The following PPP4R2 variants were observed in gnomAD, a reference collection of about 807,000 sequenced individuals.
PPP4R2 encodes the protein serine/threonine-protein phosphatase 4 regulatory subunit 2.
In PPP4R2, 13 loss-of-function variants were observed where a neutral mutation model predicts 47.2. That is an observed-to-expected ratio of 0.28 (90% CI 0.18 to 0.44). The LOEUF (loss-of-function observed/expected upper bound fraction) is 0.44, where lower values mean the gene tolerates loss of function less well. Among genes scored for constraint, PPP4R2 ranks in the 20% least tolerant of loss-of-function variants. The pLI is 1.00. For synonymous variants in PPP4R2, 151 were observed against 163.3 expected (o/e 0.92, Z 0.57); for missense variants, 421 against 491.2 (o/e 0.86, Z 1.35).
At chr3:73,018,792 C>T (rs1701902137) in intron 2 of PPP4R2, among the ~76,000 whole-genome samples, 1 of 152,158 alleles carries the variant, frequency 6.6e-6, no homozygotes, top group African/African-American at 2.4e-5. Flanking sequence ...TCTTTTAAGA[C>T]TGTTCAGATG....
chr3:73,036,464 T>C (rs996194368), intron 2 of PPP4R2, among the ~76,000 whole-genome samples: 4 of 152,266 alleles, frequency 2.6e-5, no homozygotes, highest in Admixed American at 6.5e-5. Flanking sequence ...CAATACACGT[T>C]GCAAACATGT....
At position 73,027,365 on chromosome 3, in the gene PPP4R2, A is replaced by C. The variant is rs117857099; in HGVS notation, c.117-19821A>C. ...GTGATCTCAATCTCCTGACCTCATGATCCGCCAGCCTTGGCCTCCTAAAGT... is the reference window on the plus strand; with the variant it reads ...GTGATCTCAATCTCCTGACCTCATGCTCCGCCAGCCTTGGCCTCCTAAAGT... On this transcript the variant is annotated intron_variant, in intron 2 of 8. Coordinates refer to ENST00000356692, the MANE Select transcript of PPP4R2 (RefSeq NM_174907.4). 7.9e-4 allele frequency among the ~76,000 whole-genome samples: 121 copies of C among 152,290 alleles called. No individual in the cohort carries two copies. In the East Asian group the frequency reaches 0.014, roughly 17 times the overall value.
intron 2 of PPP4R2, among the ~76,000 whole-genome samples, chr3:73,004,984 TGTGTG>T (rs1559546051): frequency 4.1e-5 from 6 of 147,852 alleles, no homozygotes; most frequent in South Asian, 2.1e-4. Context: ...TGTGTGTGTG[TGTGTG>T]TTTTGAGTCG....
intron 2 of PPP4R2, among the ~76,000 whole-genome samples, chr3:73,023,820 TTGTA>T (rs1021563113): frequency 6.6e-6 from 1 of 152,160 alleles, no homozygotes; most frequent in African/African-American, 2.4e-5. Flanking sequence ...GAGCAAACCT[TTGTA>T]TGTTAAGGAA....
chr3:73,031,268 G>A (rs753176787), intron 2 of PPP4R2, among the ~76,000 whole-genome samples: 3 of 152,172 alleles, frequency 2.0e-5, no homozygotes, highest in Non-Finnish European at 4.4e-5. Flanking sequence ...GGCTGGGCGC[G>A]GTGGTTCACG....
chr3:73,006,304 T>G (rs1701608716), intron 2 of PPP4R2, among the ~76,000 whole-genome samples: 1 of 151,210 alleles, frequency 6.6e-6, no homozygotes. Flanking sequence ...GTTCAAGCTA[T>G]TCTTCCGTCT....
chr3:73,034,564 C>T (rs1288291927), intron 2 of PPP4R2, among the ~76,000 whole-genome samples: 1 of 152,128 alleles, frequency 6.6e-6, no homozygotes. Context: ...AGAGACTGTT[C>T]CTCTTTTGCC....
intron 2 of PPP4R2, among the ~76,000 whole-genome samples, chr3:73,010,624 T>G (rs1313173919): frequency 2.0e-5 from 3 of 151,986 alleles, no homozygotes; most frequent in Non-Finnish European, 2.9e-5. Context: ...AGTGGTGCAG[T>G]CTCAGCTCAC....
intron 2 of PPP4R2, among the ~76,000 whole-genome samples, chr3:73,025,664 C>G (rs1376398898): frequency 1.3e-5 from 2 of 152,066 alleles, no homozygotes; most frequent in African/African-American, 4.8e-5. Context: ...GAACAGTGAG[C>G]AAAGGAATAG....
chr3:73,018,465 A>ATGTTAT (rs1295553516), intron 2 of PPP4R2, among the ~76,000 whole-genome samples: 3 of 88,946 alleles, frequency 3.4e-5, no homozygotes, highest in East Asian at 2.3e-4. Flanking sequence ...ATGTTATGTT[A>ATGTTAT]GTATCCGAAA....
At chr3:73,047,377 T>C in intron 3 of PPP4R2, 21 bp downstream of exon 3, 1 of 1,477,260 alleles carries the variant, frequency 6.8e-7, no homozygotes, top group Non-Finnish European at 9.2e-7. Flanking sequence ...AATACTGTTT[T>C]AAAGATTTAA....
intron 2 of PPP4R2, among the ~76,000 whole-genome samples, chr3:73,006,415 C>T (rs1352449603): frequency 6.6e-6 from 1 of 151,966 alleles, no homozygotes; most frequent in Non-Finnish European, 1.5e-5. Flanking sequence ...GCCAGGCTGA[C>T]TCCTGACCTC....
Position 73,050,788 on chromosome 3 carries a change from C to T in PPP4R2, c.287+3432C>T, listed in dbSNP as rs185546342. On this transcript the variant is annotated intron_variant, in intron 3 of 8. Coordinates refer to ENST00000356692, the MANE Select transcript of PPP4R2 (RefSeq NM_174907.4). ...ATGTGAATAATAGGTTTTTATTTGC[C>T]TGTCCTGATTGATGGTAGGCATTTA... Among the ~76,000 whole-genome samples the T allele has an allele frequency of 3.1e-3, 468 of 152,230 alleles. 5 individuals are homozygous for T. The highest frequency in any genetic ancestry group is 0.011 in the African/African-American group (458 of 41,546).
At chr3:73,026,033 C>A (rs1008842854) in intron 2 of PPP4R2, among the ~76,000 whole-genome samples, 9 of 152,048 alleles carry the variant, frequency 5.9e-5, no homozygotes, top group African/African-American at 2.2e-4. Context: ...TTTGCTTGCC[C>A]TTTCTAGTCT....
At chr3:72,998,631 A>G (rs1291841641) in intron 2 of PPP4R2, among the ~76,000 whole-genome samples, 6 of 151,796 alleles carry the variant, frequency 4.0e-5, no homozygotes, top group Non-Finnish European at 8.8e-5. Flanking sequence ...CGTCTGGAGG[A>G]CTCTGTTATT....
At position 73,016,334 on chromosome 3, in the gene PPP4R2, T is replaced by C. The variant is rs140433384; in HGVS notation, c.116+18176T>C. 6.7e-3 allele frequency among the ~76,000 whole-genome samples: 1,018 copies of C among 152,224 alleles called. 22 individuals carry two copies. The highest frequency in any genetic ancestry group is 0.023 in the African/African-American group (965 of 41,512). On this transcript the variant is annotated intron_variant, in intron 2 of 8. Transcript: ENST00000356692. ...CCAGGGCTGACAATGTCTAGAGATG[T>C]TTTTGGTTGCTACAGTTTGGGGGCA...
intron 2 of PPP4R2, among the ~76,000 whole-genome samples, chr3:73,012,802 A>G (rs763485388): frequency 1.3e-5 from 2 of 151,786 alleles, no homozygotes; most frequent in Non-Finnish European, 2.9e-5. Context: ...TGTTTCAAAG[A>G]GATTTGTTAA....
At chr3:73,062,865 G>A in intron 5 of PPP4R2, 1 of 1,613,754 alleles carries the variant, frequency 6.2e-7, no homozygotes, top group Non-Finnish European at 8.5e-7. Flanking sequence ...TGGAGACTTT[G>A]AATCCCCTCT....
At chr3:73,007,111 C>G (rs1701625102) in intron 2 of PPP4R2, among the ~76,000 whole-genome samples, 1 of 152,202 alleles carries the variant, frequency 6.6e-6, no homozygotes, top group Non-Finnish European at 1.5e-5. Flanking sequence ...TTTTACATCC[C>G]TGTTAAGTCA....
Sources: gnomAD v4.1 joint callset for allele counts (sites outside exome capture counted in the v4.1 genomes callset) on GRCh38, gnomAD v4.1.1 for gene constraint, MANE v1.5 for transcripts, NCBI Gene and HGNC (gene_info 2026-07-23, HGNC 2026-07-21) for gene names.